The following CRB1 variants were observed in gnomAD, a reference collection of about 807,000 sequenced individuals.
CRB1 encodes the protein crumbs cell polarity complex component 1, also known as protein crumbs homolog 1.
In CRB1, 83 loss-of-function variants were observed where a neutral mutation model predicts 120.0. That is an observed-to-expected ratio of 0.69 (90% CI 0.58 to 0.83). CRB1 has a LOEUF of 0.83. CRB1 is among the 40% of genes least tolerant of loss of function. The pLI is 0.00. For synonymous variants in CRB1, 625 were observed against 612.5 expected (o/e 1.02, Z -0.30); for missense variants, 1,699 against 1,687.6 (o/e 1.01, Z -0.12).
intron 11 of CRB1, among the ~76,000 whole-genome samples, chr1:197,447,853 CA>C (rs397861586): frequency 0.05 from 3,018 of 60,048 alleles, 53 homozygotes; most frequent in African/African-American, 0.11. Context: ...GAACCTGTCT[CA>C]AAAAAAAAAA....
chr1:197,284,617 C>T (rs1427286022), intron 1 of CRB1, among the ~76,000 whole-genome samples: 1 of 151,862 alleles, frequency 6.6e-6, no homozygotes, highest in Non-Finnish European at 1.5e-5. Context: ...TCCTCAGTTG[C>T]TGCTGCAAAT....
At chr1:197,222,972 A>G in the CRB1 span, 1 of 825,786 alleles carries the variant, frequency 1.2e-6, no homozygotes, top group Non-Finnish European at 2.2e-6. Flanking sequence ...TACAATCTTT[A>G]CAGTGGGAAT....
intron 1 of CRB1, among the ~76,000 whole-genome samples, chr1:197,319,367 G>T (rs2125287320): frequency 8.2e-6 from 1 of 121,710 alleles, no homozygotes; most frequent in Non-Finnish European, 1.6e-5. Flanking sequence ...GGTAGAGGTT[G>T]CAATGAGCTG....
rs754943279 is a variant in CRB1, at chr1:197,477,766, T to C, written c.4108T>C (p.Ser1370Pro). ...GGCCATTGTTGCTTCTGTTGTCACC[T>C]CCAACAAAAGGGCAACTCAGGGAAC... ...LLAIVASVVT[S>P]NKRATQGTYS... Residue 1370 changes from serine (S) to proline (P), a missense_variant, in exon 12 of 12, where the codon TCC becomes CCC. Ser to Pro is a moderately conservative substitution (Grantham distance 74). Coordinates refer to ENST00000367400, the MANE Select transcript of CRB1 (RefSeq NM_201253.3). 2 of 1,613,824 alleles carry C rather than the reference T, an allele frequency of 1.2e-6. No individual in the cohort carries two copies. The highest frequency in any genetic ancestry group is 2.2e-5 in the South Asian group (2 of 91,070).
At chr1:197,312,639 A>AAT (rs1389633771) in intron 1 of CRB1, among the ~76,000 whole-genome samples, 1 of 152,172 alleles carries the variant, frequency 6.6e-6, no homozygotes, top group African/African-American at 2.4e-5. Context: ...AGATAGAAAA[A>AAT]ATATAATATG....
chr1:197,260,345 T>C, the CRB1 span, among the ~76,000 whole-genome samples: 1 of 152,158 alleles, frequency 6.6e-6, no homozygotes, highest in African/African-American at 2.4e-5. Context: ...AAGTTAAATC[T>C]ATAATTTAGA....
chr1:197,327,279 C>A (rs959337362), intron 1 of CRB1, among the ~76,000 whole-genome samples: 1 of 152,072 alleles, frequency 6.6e-6, no homozygotes, highest in Non-Finnish European at 1.5e-5. Flanking sequence ...CCACTGAATA[C>A]AACTTTCAGA....
At chr1:197,257,578 T>G in the CRB1 span, among the ~76,000 whole-genome samples, 98 of 152,316 alleles carry the variant, frequency 6.4e-4, no homozygotes, top group African/African-American at 2.1e-3. Context: ...ATCTCCACCT[T>G]GGTTCCAATT....
intron 5 of CRB1, among the ~76,000 whole-genome samples, chr1:197,379,674 A>AATG (rs1558094853): frequency 3.3e-5 from 5 of 150,722 alleles, no homozygotes. Context: ...AGAATGGTGG[A>AATG]ATGGGCTTTT....
chr1:197,245,221 C>T, the CRB1 span, among the ~76,000 whole-genome samples: 1 of 152,040 alleles, frequency 6.6e-6, no homozygotes. Flanking sequence ...CTTCCCTCAC[C>T]CCACAACAGG....
intron 5 of CRB1, among the ~76,000 whole-genome samples, chr1:197,401,875 G>A (rs990381522): frequency 6.6e-6 from 1 of 151,566 alleles, no homozygotes; most frequent in Non-Finnish European, 1.5e-5. Flanking sequence ...TATTCAAAAT[G>A]TTTTAACTTT....
At chr1:197,378,400 T>C (rs193021032) in intron 5 of CRB1, among the ~76,000 whole-genome samples, 5 of 152,338 alleles carry the variant, frequency 3.3e-5, no homozygotes, top group East Asian at 1.9e-4. Flanking sequence ...TACAGATTAA[T>C]CTTTCTCCAT....
At chr1:197,440,282 A>G (rs977998059) in intron 10 of CRB1, 1 of 152,240 alleles carries the variant, frequency 6.6e-6, no homozygotes, top group Non-Finnish European at 1.5e-5. Context: ...TTCTATTTAC[A>G]ACAAATATCT....
At position 197,302,111 on chromosome 1, in the gene CRB1, G is replaced by A. The variant is rs185310755; in HGVS notation, c.71-26311G>A. Among the ~76,000 whole-genome samples the A allele has an allele frequency of 4.5e-3, 679 of 152,214 alleles. 7 individuals are homozygous for A. The highest frequency in any genetic ancestry group is 0.038 in the South Asian group (181 of 4,818). ...TTCATGAAAGGAAGAGTCAATAGAA[G>A]CAACAAATTTTATTATTGTTTTGTT... On this transcript the variant is annotated intron_variant, in intron 1 of 11. Transcript: ENST00000367400.
chr1:197,225,195 C>A, the CRB1 span, among the ~76,000 whole-genome samples: 1 of 151,530 alleles, frequency 6.6e-6, no homozygotes, highest in Non-Finnish European at 1.5e-5. Context: ...GCTCCAGGGC[C>A]CAGATTTAAT....
In CRB1 at chr1:197,438,682, C is replaced by A; in HGVS notation, c.3878+7C>A. 6.2e-7 allele frequency: 1 copy of A among 1,611,388 alleles called. No homozygotes were observed. The highest frequency in any genetic ancestry group is 1.1e-5 in the South Asian group (1 of 90,958). ...CAGGTTTTACTGGAGAATGGTGAGTCACATTAGAGCCTTCTGGAAGAGAAT... is the reference window on the plus strand; with the variant it reads ...CAGGTTTTACTGGAGAATGGTGAGTAACATTAGAGCCTTCTGGAAGAGAAT... On this transcript the variant is annotated splice_region_variant and intron_variant, in intron 10 of 11. Coordinates refer to ENST00000367400, the MANE Select transcript of CRB1 (RefSeq NM_201253.3).
At chr1:197,257,217 C>G in the CRB1 span, among the ~76,000 whole-genome samples, 1 of 152,022 alleles carries the variant, frequency 6.6e-6, no homozygotes, top group African/African-American at 2.4e-5. Flanking sequence ...TGTCCCAGAT[C>G]AAGAAGAGAG....
chr1:197,202,857 A>G, the CRB1 span, among the ~76,000 whole-genome samples: 1 of 152,176 alleles, frequency 6.6e-6, no homozygotes, highest in East Asian at 1.9e-4. Context: ...AGACAAGCAT[A>G]ATGATTATAC....
chr1:197,424,995 G>T (rs1571532731), intron 6 of CRB1, among the ~76,000 whole-genome samples: 1 of 152,188 alleles, frequency 6.6e-6, no homozygotes, highest in East Asian at 1.9e-4. Flanking sequence ...TAGGATTGCT[G>T]AAGAATCAGG....
Sources: allele counts gnomAD v4.1 joint callset (sites outside exome capture counted in the v4.1 genomes callset), GRCh38; gene constraint gnomAD v4.1.1; transcripts MANE v1.5; gene names NCBI Gene and HGNC (gene_info 2026-07-23, HGNC 2026-07-21).